ZBTB20: variants seen among roughly 807,000 people sequenced by gnomAD.
The protein encoded by ZBTB20 is zinc finger and BTB domain-containing protein 20.
Under a neutral mutation model 56.9 loss-of-function variants are expected in ZBTB20, and 9 were observed. The ratio of observed to expected loss-of-function variants is 0.16; its 90% CI spans 0.10 to 0.28. ZBTB20 has a LOEUF of 0.28. Ranked by LOEUF, ZBTB20 falls within the 10% of genes least tolerant of loss-of-function variation. The pLI is 1.00. For synonymous variants in ZBTB20, 417 were observed against 420.7 expected (o/e 0.99, Z 0.11); for missense variants, 655 against 1,003.0 (o/e 0.65, Z 4.69).
At position 114,484,816 on chromosome 3, in the gene ZBTB20, T is replaced by C. The variant is rs113686768; in HGVS notation, c.-255+15536A>G. ...TCAATAGAGTGTGTGTGTGTGTGTGTGTGCGCGTGCATGTGTGTGTGTGCG... is the reference window on the plus strand; with the variant it reads ...TCAATAGAGTGTGTGTGTGTGTGTGCGTGCGCGTGCATGTGTGTGTGTGCG... On this transcript the variant is annotated intron_variant, in intron 7 of 11. Coordinates refer to ENST00000675478, the MANE Select transcript of ZBTB20 (RefSeq NM_001348800.3). 6.6e-5 allele frequency among the ~76,000 whole-genome samples: 10 copies of C among 150,828 alleles called. No homozygotes were observed. The South Asian group carries it at 1.9e-3, about 29-fold the overall frequency.
At chr3:114,976,408 C>G (rs1319245698) in intron 2 of ZBTB20, among the ~76,000 whole-genome samples, 2 of 152,060 alleles carry the variant, frequency 1.3e-5, no homozygotes, top group African/African-American at 4.8e-5. Context: ...GGCGGATCAC[C>G]TGAGGTCAGA....
At chr3:115,049,298 A>G (rs568573877) in intron 2 of ZBTB20, among the ~76,000 whole-genome samples, 12 of 152,286 alleles carry the variant, frequency 7.9e-5, no homozygotes, top group African/African-American at 2.9e-4. Context: ...TCTCAAAGAA[A>G]AGGAGTATCT....
intron 7 of ZBTB20, among the ~76,000 whole-genome samples, chr3:114,455,926 G>T (rs1480995066): frequency 6.6e-6 from 1 of 152,002 alleles, no homozygotes; most frequent in Non-Finnish European, 1.5e-5. Context: ...ATTTAGTAGA[G>T]AGGAAACTGA....
At chr3:115,131,351 A>G (rs1262861640) in intron 1 of ZBTB20, among the ~76,000 whole-genome samples, 2 of 152,180 alleles carry the variant, frequency 1.3e-5, no homozygotes, top group Non-Finnish European at 2.9e-5. Flanking sequence ...TTATTTTTTA[A>G]AGGCTGAATA....
chr3:114,458,986 G>T (rs1403551171), intron 7 of ZBTB20, among the ~76,000 whole-genome samples: 5 of 151,994 alleles, frequency 3.3e-5, no homozygotes, highest in African/African-American at 7.2e-5. Flanking sequence ...AGTTTATTAG[G>T]CCTTTTTAGT....
At chr3:114,927,222 A>T (rs1268414863) in intron 3 of ZBTB20, among the ~76,000 whole-genome samples, 4 of 152,196 alleles carry the variant, frequency 2.6e-5, no homozygotes, top group Non-Finnish European at 5.9e-5. Context: ...CTAATCTACC[A>T]ATGGCCTGGA....
intron 5 of ZBTB20, among the ~76,000 whole-genome samples, chr3:114,756,179 TATG>T (rs1469489338): frequency 6.6e-6 from 1 of 152,120 alleles, no homozygotes; most frequent in Non-Finnish European, 1.5e-5. Context: ...AACAAAAACA[TATG>T]TATGTATGTG....
intron 4 of ZBTB20, among the ~76,000 whole-genome samples, chr3:114,805,521 A>G (rs1578948470): frequency 6.6e-6 from 1 of 151,856 alleles, no homozygotes. Context: ...AAGGTATATG[A>G]TATCTCGGGG....
chr3:114,701,426 A>C (rs2063380734), intron 5 of ZBTB20, among the ~76,000 whole-genome samples: 1 of 152,130 alleles, frequency 6.6e-6, no homozygotes, highest in Non-Finnish European at 1.5e-5. Flanking sequence ...ATGTGCCACC[A>C]TGATGTAGAG....
intron 2 of ZBTB20, among the ~76,000 whole-genome samples, chr3:115,064,849 T>C (rs1251717991): frequency 6.6e-6 from 1 of 152,192 alleles, no homozygotes; most frequent in Non-Finnish European, 1.5e-5. Context: ...ATGAGGCCTA[T>C]ATTTCTCTCG....
At chr3:114,397,151 A>G (rs1352238886) in intron 7 of ZBTB20, among the ~76,000 whole-genome samples, 2 of 152,108 alleles carry the variant, frequency 1.3e-5, no homozygotes, top group Admixed American at 6.6e-5. Context: ...ACATTCATCA[A>G]CTGTGAATCT....
chr3:114,603,393 T>A (rs1298169887), intron 6 of ZBTB20, among the ~76,000 whole-genome samples: 1 of 152,010 alleles, frequency 6.6e-6, no homozygotes, highest in African/African-American at 2.4e-5. Flanking sequence ...TTAAAATATC[T>A]TCTGGATTAA....
In ZBTB20 at chr3:114,948,216, T is replaced by C. The variant is rs1393222722; in HGVS notation, c.-456+26150A>G. Among the ~76,000 whole-genome samples the C allele has an allele frequency of 1.4e-5, 2 of 144,696 alleles. 1 individual carries two copies. Among genetic ancestry groups the C allele is most frequent in the African/African-American group, 5.7e-5 (2 of 35,136 alleles). The allele number at this position is 144,696 out of a possible 152,430, so 94.9% of individuals were successfully genotyped here. On this transcript the variant is annotated intron_variant, in intron 3 of 11. Coordinates refer to ENST00000675478, the MANE Select transcript of ZBTB20 (RefSeq NM_001348800.3). The stretch of plus-strand genomic sequence containing the variant: ...CAATAGATCCAGAAATGTATGTGAA[T>C]ATTCCTTATGATTTAAAAAAAAAAC...
At position 115,140,547 on chromosome 3, in the gene ZBTB20, A is replaced by G. The variant is rs1426778078; in HGVS notation, c.-703+6672T>C. Among the ~76,000 whole-genome samples the G allele has an allele frequency of 3.6e-4, 54 of 151,756 alleles. 1 individual carries two copies. The highest frequency in any genetic ancestry group is 3.2e-3 in the Middle Eastern group (1 of 316). ...TGTGTGTGAGTGCGAGAGAGTGTGT[A>G]TGTGTGTGTGGTGGTGGTAGGGGTC... is the stretch of plus-strand genomic sequence containing the variant. On this transcript the variant is annotated intron_variant, in intron 1 of 11. Transcript: ENST00000675478.
At chr3:114,632,191 C>A (rs753637112) in intron 6 of ZBTB20, among the ~76,000 whole-genome samples, 4 of 152,204 alleles carry the variant, frequency 2.6e-5, no homozygotes, top group Non-Finnish European at 5.9e-5. Context: ...CCAGTGGTAT[C>A]CAGCAAAGCA....
At chr3:114,545,185 C>G (rs888485030) in intron 6 of ZBTB20, among the ~76,000 whole-genome samples, 1 of 152,146 alleles carries the variant, frequency 6.6e-6, no homozygotes, top group African/African-American at 2.4e-5. Context: ...TCTTTTATCT[C>G]TGAATGCTTC....
intron 5 of ZBTB20, among the ~76,000 whole-genome samples, chr3:114,731,757 C>G (rs1274220): frequency 0.013 from 848 of 67,588 alleles, 11 homozygotes; most frequent in African/African-American, 0.049. Context: ...TAGTAACTAA[C>G]CCGGCTGTAC....
rs1222790595 is a variant in ZBTB20 at position 114,339,108 on chromosome 3, G to A, written c.2123C>T (p.Ala708Val). The change falls in exon 12 of 12, where the codon GCC (alanine) becomes GTC (valine). Residue 708 changes from alanine to valine, a missense_variant. Ala to Val is a moderately conservative substitution (Grantham distance 64, BLOSUM62 0). Around this residue, in one of 10 missense-constraint regions of ZBTB20, gnomAD observed 89 missense variants for 79.7 expected, o/e 1.12. Transcript: ENST00000675478. The surrounding 1 kb of genome is among the most constrained non-coding windows in gnomAD (Gnocchi z 4.2). ...GARAGPPGVV[A>V]CTEGTTYVCS... ...GACGTAAGTGGTCCCCTCCGTGCAG[G>A]CCACCACGCCTGGGGGGCCAGCGCG... 3.1e-6 allele frequency: 5 copies of A among 1,606,490 alleles called. No homozygotes were observed. The South Asian group carries it at 4.4e-5, about 14-fold the overall frequency.
chr3:114,527,355 GT>G (rs1315431490), intron 6 of ZBTB20: 2 of 152,146 alleles, frequency 1.3e-5, no homozygotes, highest in African/African-American at 4.8e-5. Flanking sequence ...AAAATATCAG[GT>G]GGGTAAGACA....
Sources: allele counts gnomAD v4.1 joint callset (sites outside exome capture counted in the v4.1 genomes callset), GRCh38; gene constraint gnomAD v4.1.1; regional missense constraint gnomAD v4.1.1; non-coding constraint Gnocchi (gnomAD v3.1); transcripts MANE v1.5; gene names NCBI Gene and HGNC (gene_info 2026-07-23, HGNC 2026-07-21).